GBF1: variants seen among roughly 807,000 people sequenced by gnomAD.
The protein encoded by GBF1 is Golgi-specific brefeldin A-resistance guanine nucleotide exchange factor 1.
In GBF1, 114 loss-of-function variants were observed where a neutral mutation model predicts 210.5. The ratio of observed to expected loss-of-function variants is 0.54; its 90% confidence interval spans 0.47 to 0.63. The LOEUF (loss-of-function observed/expected upper bound fraction) is 0.63, where lower values mean the gene tolerates loss of function less well. GBF1 is among the 30% of genes least tolerant of loss of function. The probability of loss-of-function intolerance (pLI) is 0.00; values close to 1 mark genes in which losing one functional copy is unlikely to be tolerated. For missense variants in GBF1, 1,851 were observed against 2,357.7 expected (o/e 0.79, Z 4.45); for synonymous variants, 850 against 889.2 (o/e 0.96, Z 0.78).
intron 3 of GBF1, among the ~76,000 whole-genome samples, chr10:102,313,756 T>C (rs555335765): frequency 2.0e-5 from 3 of 152,322 alleles, no homozygotes; most frequent in East Asian, 1.9e-4. Flanking sequence ...GTGTGATTTA[T>C]TAAATACACA....
intron 3 of GBF1, among the ~76,000 whole-genome samples, chr10:102,272,878 A>G (rs1189431739): frequency 6.6e-6 from 1 of 152,110 alleles, no homozygotes; most frequent in Admixed American, 6.5e-5. Flanking sequence ...TTAATTACAG[A>G]TATGTTTTTT....
intron 33 of GBF1, among the ~76,000 whole-genome samples, chr10:102,378,671 G>A (rs1055904668): frequency 6.6e-6 from 1 of 152,056 alleles, no homozygotes; most frequent in Non-Finnish European, 1.5e-5. Flanking sequence ...GGCCGGGCAT[G>A]GTATAATCAC....
chr10:102,347,469 G>C (rs1427518658), intron 4 of GBF1, among the ~76,000 whole-genome samples: 1 of 152,124 alleles, frequency 6.6e-6, no homozygotes, highest in Non-Finnish European at 1.5e-5. Context: ...TTTTCCCTCT[G>C]CTGTCTTGTT....
At chr10:102,267,330 C>G (rs1039428137) in intron 3 of GBF1, among the ~76,000 whole-genome samples, 2 of 152,154 alleles carry the variant, frequency 1.3e-5, no homozygotes, top group Non-Finnish European at 2.9e-5. Context: ...CATGGTGAAA[C>G]CCTGTCTCTA....
At chr10:102,293,879 A>G (rs527986754) in intron 3 of GBF1, among the ~76,000 whole-genome samples, 48 of 145,798 alleles carry the variant, frequency 3.3e-4, no homozygotes, top group Non-Finnish European at 6.4e-4. Context: ...CCGGGTTCAC[A>G]CCATTCTCCT....
At chr10:102,311,977 G>T (rs1220008120) in intron 3 of GBF1, among the ~76,000 whole-genome samples, 2 of 152,154 alleles carry the variant, frequency 1.3e-5, no homozygotes, top group Non-Finnish European at 2.9e-5. Context: ...TAAGTATGGT[G>T]CACTGTTCAC....
At position 102,293,783 on chromosome 10, in the gene GBF1, T is replaced by G. The variant is rs1194588174; in HGVS notation, c.163+33667T>G. Among the ~76,000 whole-genome samples, 8 of 104,726 alleles carry G rather than the reference T, an allele frequency of 7.6e-5. 1 individual carries two copies. The highest frequency in any genetic ancestry group is 2.5e-4 in the African/African-American group (8 of 32,318). The allele number at this position is 104,726 out of a possible 152,430, so 68.7% of individuals were successfully genotyped here. A position where few individuals can be genotyped will look rare whatever the true frequency, so the allele number is the denominator to read the frequency against. On this transcript the variant is annotated intron_variant, in intron 3 of 39. Coordinates refer to ENST00000369983, the MANE Select transcript of GBF1 (RefSeq NM_001377137.1). ...TAGTATGTTTTGTGTTTTTTTTTTT[T>G]TTTTTTTTTTTTGAGATGGAGTCTC... is the stretch of plus-strand genomic sequence containing the variant.
At position 102,367,519 on chromosome 10, in the gene GBF1, CTT is replaced by C; in HGVS notation, c.2603_2604del (p.Phe868Ter). On this transcript the variant is annotated frameshift_variant, in exon 21 of 40. Coordinates refer to ENST00000369983, the MANE Select transcript of GBF1 (RefSeq NM_001377137.1). LOFTEE classifies it high-confidence loss of function. Reference sequence around the variant, plus strand: ...TGAAAGGTGTGAATGGAGGCAAGGACTTTGAGCAAGACATCCTGGAGGACATG... The same window carrying C: ...TGAAAGGTGTGAATGGAGGCAAGGACTGAGCAAGACATCCTGGAGGACATG... ...NLKGVNGGKD[F>X]EQDILEDMYH... is the part of the protein sequence containing the mutation. 6.2e-7 allele frequency: 1 copy of C among 1,609,874 alleles called. No individual in the cohort carries two copies. The highest frequency in any genetic ancestry group is 8.5e-7 in the Non-Finnish European group (1 of 1,176,132).
rs765706819 is a variant in GBF1 at position 102,379,353 on chromosome 10, C to T, written c.4564C>T (p.Arg1522Cys). The T allele has an allele frequency of 1.5e-5, 25 of 1,613,910 alleles. No individual in the cohort carries two copies. Among genetic ancestry groups the T allele is most frequent in the South Asian group, 1.2e-4 (11 of 91,068 alleles). ...SIYSSWAEEQ[R>C]HLETGGQKIE... is the part of the protein sequence containing the mutation. ...CTACAGCTCATGGGCGGAGGAGCAA[C>T]GCCACCTGGAGACAGGTGGCCAGAA... The change falls in exon 34 of 40, where the codon CGC becomes TGC. Residue 1522 changes from arginine (R) to cysteine (C), a missense_variant. Coordinates refer to ENST00000369983, the MANE Select transcript of GBF1 (RefSeq NM_001377137.1).
At position 102,303,114 on chromosome 10, in the gene GBF1, A is replaced by G. The variant is rs576119131; in HGVS notation, c.164-40937A>G. Among the ~76,000 whole-genome samples the G allele has an allele frequency of 2.6e-5, 4 of 151,546 alleles. No homozygotes were observed. The East Asian group carries it at 7.8e-4, about 29-fold the overall frequency. On this transcript the variant is annotated intron_variant, in intron 3 of 39. Coordinates refer to ENST00000369983, the MANE Select transcript of GBF1 (RefSeq NM_001377137.1). ...GTGATTCTCCTGCCTCCACCTCCCAAGTAGCTGGGATTACAGGTGCATGCC... is the reference window on the plus strand; with the variant it reads ...GTGATTCTCCTGCCTCCACCTCCCAGGTAGCTGGGATTACAGGTGCATGCC...
intron 27 of GBF1, 57 bp downstream of exon 27, chr10:102,370,302 G>C: frequency 6.8e-7 from 1 of 1,468,846 alleles, no homozygotes; most frequent in Non-Finnish European, 9.6e-7. Flanking sequence ...AGGGGTGACA[G>C]GGACAGTATT....
At chr10:102,349,065 C>G (rs1013380151) in intron 4 of GBF1, among the ~76,000 whole-genome samples, 1 of 152,156 alleles carries the variant, frequency 6.6e-6, no homozygotes, top group African/African-American at 2.4e-5. Flanking sequence ...AGGAGGATCA[C>G]TTGAGCCCCA....
At chr10:102,231,736 A>G in the GBF1 span, 1 of 1,609,954 alleles carries the variant, frequency 6.2e-7, no homozygotes, top group Non-Finnish European at 8.5e-7. Context: ...CTTCTTTTTC[A>G]GCGAACCGTC....
chr10:102,270,380 G>A (rs1442811991), intron 3 of GBF1, among the ~76,000 whole-genome samples: 2 of 151,774 alleles, frequency 1.3e-5, no homozygotes, highest in Non-Finnish European at 2.9e-5. Flanking sequence ...ATGTTGGCCA[G>A]GTTGGTCTCG....
chr10:102,333,989 G>A (rs2057534472), intron 3 of GBF1, among the ~76,000 whole-genome samples: 1 of 152,134 alleles, frequency 6.6e-6, no homozygotes, highest in African/African-American at 2.4e-5. Context: ...AATGTTAGAG[G>A]GGTAAATGAA....
intron 3 of GBF1, among the ~76,000 whole-genome samples, chr10:102,329,284 C>T (rs967733363): frequency 1.3e-5 from 2 of 152,098 alleles, no homozygotes; most frequent in Non-Finnish European, 2.9e-5. Context: ...TTTATCCCTG[C>T]CAGCCTTGTT....
At chr10:102,286,576 T>C (rs919770239) in intron 3 of GBF1, among the ~76,000 whole-genome samples, 2 of 152,228 alleles carry the variant, frequency 1.3e-5, no homozygotes, top group African/African-American at 4.8e-5. Context: ...TTGTTATACA[T>C]CAGACAGTCA....
Position 102,293,764 on chromosome 10 carries a change from G to GTTTTTTTTTTTTTTTTTTTTTTTTT in GBF1, c.163+33652_163+33653insTTTTTTTTTTTTTTTTTTTTTTTTT, listed in dbSNP as rs1263151407. On this transcript the variant is annotated intron_variant, in intron 3 of 39. Transcript: ENST00000369983. ...AAAATATTTTGTACAGCTGTAGTAT[G>GTTTTTTTTTTTTTTTTTTTTTTTTT]TTTTGTGTTTTTTTTTTTTTTTTTT... 1.5e-3 allele frequency among the ~76,000 whole-genome samples: 77 copies of GTTTTTTTTTTTTTTTTTTTTTTTTT among 50,894 alleles called. 33 individuals are homozygous for GTTTTTTTTTTTTTTTTTTTTTTTTT. Among genetic ancestry groups the GTTTTTTTTTTTTTTTTTTTTTTTTT allele is most frequent in the Non-Finnish European group, 2.4e-3 (56 of 23,616 alleles). The allele number at this position is 50,894 out of a possible 152,430, so 33.4% of individuals were successfully genotyped here.
intron 3 of GBF1, among the ~76,000 whole-genome samples, chr10:102,264,122 T>C (rs1049828938): frequency 2.0e-5 from 3 of 152,184 alleles, no homozygotes; most frequent in African/African-American, 7.2e-5. Flanking sequence ...AACCACTGAA[T>C]TGTATACTTG....
Sources: allele counts gnomAD v4.1 joint callset (sites outside exome capture counted in the v4.1 genomes callset), GRCh38; gene constraint gnomAD v4.1.1; transcripts MANE v1.5; gene names NCBI Gene and HGNC (gene_info 2026-07-23, HGNC 2026-07-21).